The following NCALD variants were observed in gnomAD, a reference collection of about 807,000 sequenced individuals.
NCALD encodes neurocalcin delta, also known as neurocalcin-delta.
In NCALD, 10 loss-of-function variants were observed where a neutral mutation model predicts 18.6. The observed-to-expected ratio is 0.54, with a 90% CI of 0.33 to 0.91. The LOEUF (loss-of-function observed/expected upper bound fraction) is 0.91, where lower values mean the gene tolerates loss of function less well. NCALD is among the 40% of genes least tolerant of loss of function. NCALD has a pLI of 0.03. For missense variants in NCALD, 184 were observed against 247.6 expected, an observed-to-expected ratio of 0.74 and a Z score of 1.72; for synonymous variants, 88 against 87.4, an observed-to-expected ratio of 1.01 and a Z score of -0.04.
At chr8:102,074,419 G>A (rs17500306) in intron 1 of NCALD, among the ~76,000 whole-genome samples, 4 of 152,210 alleles carry the variant, frequency 2.6e-5, no homozygotes, top group South Asian at 4.2e-4. Context: ...GGGCAAACTC[G>A]CATTCTATTC....
At chr8:101,886,744 C>T (rs746049857) in intron 4 of NCALD, among the ~76,000 whole-genome samples, 2 of 152,152 alleles carry the variant, frequency 1.3e-5, no homozygotes, top group Non-Finnish European at 2.9e-5. Flanking sequence ...ATATCCTCTT[C>T]GGTCCTCTAT....
intron 1 of NCALD, among the ~76,000 whole-genome samples, chr8:101,773,833 G>C (rs974944013): frequency 2.5e-4 from 38 of 152,160 alleles, no homozygotes; most frequent in African/African-American, 8.9e-4. Context: ...TGCTTTCTCA[G>C]AGTGAAGAGG....
At chr8:102,019,155 A>C (rs1342879925) in intron 2 of NCALD, among the ~76,000 whole-genome samples, 1 of 152,090 alleles carries the variant, frequency 6.6e-6, no homozygotes, top group Non-Finnish European at 1.5e-5. Flanking sequence ...CAATTAATAT[A>C]TGAAATGGTG....
chr8:102,088,351 T>G (rs1315311278), intron 1 of NCALD, among the ~76,000 whole-genome samples: 1 of 152,258 alleles, frequency 6.6e-6, no homozygotes, highest in African/African-American at 2.4e-5. Context: ...TTAGAGTACC[T>G]GTGAGGTTAC....
intron 3 of NCALD, among the ~76,000 whole-genome samples, chr8:101,890,751 A>G (rs1361185460): frequency 6.6e-6 from 1 of 152,214 alleles, no homozygotes; most frequent in Non-Finnish European, 1.5e-5. Context: ...ATAAATTTCT[A>G]TTAGTTATAA....
chr8:101,739,767 T>G (rs1032357114), intron 1 of NCALD, among the ~76,000 whole-genome samples: 1 of 152,188 alleles, frequency 6.6e-6, no homozygotes, highest in Non-Finnish European at 1.5e-5. Flanking sequence ...GCTTCCCTAC[T>G]TTTGAGGTTT....
At chr8:102,037,005 A>C (rs1226394437) in intron 1 of NCALD, among the ~76,000 whole-genome samples, 2 of 152,210 alleles carry the variant, frequency 1.3e-5, no homozygotes, top group Non-Finnish European at 1.5e-5. Context: ...CACACAAAAA[A>C]GCATGTGTAA....
rs576286368 is a variant in NCALD, at chr8:101,732,590, C to CTTTTTTTT, written c.-19-12950_-19-12943dup. ...AATTCAGAGTATTTCTTTTTCTTTG[C>CTTTTTTTT]TTTTTTTTTTTTTTTTTTTTTTTTT... On this transcript the variant is annotated intron_variant, in intron 1 of 3. Coordinates refer to ENST00000220931, the MANE Select transcript of NCALD (RefSeq NM_032041.3). Among the ~76,000 whole-genome samples, 32 of 53,678 alleles carry CTTTTTTTT rather than the reference C, an allele frequency of 6.0e-4. 2 individuals are homozygous for CTTTTTTTT. The highest frequency in any genetic ancestry group is 8.7e-4 in the Non-Finnish European group (26 of 29,750). 35.2% of individuals were successfully genotyped at this position (53,678 alleles called of 152,430 possible).
chr8:102,102,500 A>G (rs183456133), intron 1 of NCALD, among the ~76,000 whole-genome samples: 9 of 152,244 alleles, frequency 5.9e-5, no homozygotes, highest in Admixed American at 5.9e-4. Context: ...TTCCGCCTTC[A>G]GATTTGGTAT....
intron 1 of NCALD, among the ~76,000 whole-genome samples, chr8:101,754,081 C>T (rs1241701849): frequency 6.6e-6 from 1 of 152,112 alleles, no homozygotes; most frequent in Non-Finnish European, 1.5e-5. Flanking sequence ...CCTCATTGGA[C>T]CCTCCTAACA....
In NCALD at chr8:102,102,230, CAA is replaced by C. The variant is rs772486611; in HGVS notation, c.-210+22005_-210+22006del. ...ATTGTGATGGGCACAGCAGGTAATA[CAA>C]AAAAAAATTGTGTCCATCCTCCTGT... On this transcript the variant is annotated intron_variant, in intron 1 of 6. Coordinates refer to the NCALD transcript ENST00000311028. 7.7e-4 allele frequency among the ~76,000 whole-genome samples: 116 copies of C among 151,526 alleles called. 1 individual carries two copies. The highest frequency in any genetic ancestry group is 1.4e-3 in the Non-Finnish European group (95 of 67,790).
intron 4 of NCALD, among the ~76,000 whole-genome samples, chr8:101,842,226 G>A (rs887632627): frequency 6.6e-6 from 1 of 152,004 alleles, no homozygotes. Context: ...TCATTTTAAC[G>A]TAATCACCTC....
chr8:102,025,807 G>A (rs1386779888), intron 1 of NCALD, among the ~76,000 whole-genome samples: 1 of 152,148 alleles, frequency 6.6e-6, no homozygotes, highest in Non-Finnish European at 1.5e-5. Flanking sequence ...GTGCCACAAG[G>A]ACAGCAGTGT....
intron 1 of NCALD, among the ~76,000 whole-genome samples, chr8:101,774,652 G>C (rs1387116826): frequency 6.6e-6 from 1 of 152,176 alleles, no homozygotes; most frequent in Non-Finnish European, 1.5e-5. Flanking sequence ...ACAAGTGATG[G>C]AGTGCATGGG....
chr8:101,808,237 T>C (rs763261283), intron 4 of NCALD, among the ~76,000 whole-genome samples: 19 of 152,176 alleles, frequency 1.2e-4, no homozygotes, highest in Admixed American at 2.6e-4. Context: ...AAGCACCTGC[T>C]GCTTGAATAC....
At chr8:101,819,221 C>G (rs1360520967) in intron 4 of NCALD, among the ~76,000 whole-genome samples, 1 of 151,788 alleles carries the variant, frequency 6.6e-6, no homozygotes, top group Non-Finnish European at 1.5e-5. Flanking sequence ...ACAGGCTTGT[C>G]AGCACTACAT....
At chr8:101,822,465 T>C (rs1311305217) in intron 4 of NCALD, among the ~76,000 whole-genome samples, 1 of 152,092 alleles carries the variant, frequency 6.6e-6, no homozygotes, top group Non-Finnish European at 1.5e-5. Flanking sequence ...CAAGCTACAT[T>C]CCCCAGAATC....
intron 1 of NCALD, among the ~76,000 whole-genome samples, chr8:102,121,733 GC>G (rs1208998933): frequency 6.6e-6 from 1 of 152,144 alleles, no homozygotes; most frequent in Admixed American, 6.5e-5. Flanking sequence ...TTGTTAGTCT[GC>G]CCCTCACCAT....
intron 1 of NCALD, among the ~76,000 whole-genome samples, chr8:102,077,717 G>C (rs1563597360): frequency 6.6e-6 from 1 of 152,130 alleles, no homozygotes. Flanking sequence ...ACAGACAGCA[G>C]ACTGGAAGGG....
Sources: allele counts gnomAD v4.1 joint callset (sites outside exome capture counted in the v4.1 genomes callset), GRCh38; gene constraint gnomAD v4.1.1; transcripts MANE v1.5; gene names NCBI Gene and HGNC (gene_info 2026-07-23, HGNC 2026-07-21).